Variants in KCNK2 observed in about 807,000 individuals in gnomAD.
KCNK2 encodes the protein potassium two pore domain channel subfamily K member 2, also known as potassium channel subfamily K member 2.
KCNK2 carries 21 observed loss-of-function variants against 40.5 expected under a neutral mutation model. The ratio of observed to expected loss-of-function variants is 0.52; its 90% CI spans 0.37 to 0.75. The LOEUF is 0.75. KCNK2 is among the 30% of genes least tolerant of loss of function. KCNK2 has a pLI of 0.00. For synonymous variants in KCNK2, 191 were observed against 202.2 expected, an observed-to-expected ratio of 0.94 and a Z score of 0.47; for missense variants, 399 against 531.6, an observed-to-expected ratio of 0.75 and a Z score of 2.45.
intron 6 of KCNK2, among the ~76,000 whole-genome samples, chr1:215,198,580 A>T (rs941041070): frequency 2.0e-5 from 3 of 152,204 alleles, no homozygotes; most frequent in African/African-American, 7.2e-5. Context: ...AGCCAACTAA[A>T]TATATTCTAG....
intron 5 of KCNK2, among the ~76,000 whole-genome samples, chr1:215,180,472 G>A (rs1184230113): frequency 6.6e-6 from 1 of 152,144 alleles, no homozygotes; most frequent in Non-Finnish European, 1.5e-5. Flanking sequence ...ATATACTTAA[G>A]TGTGTTTTTG....
At chr1:215,179,771 T>C (rs983015603) in intron 5 of KCNK2, among the ~76,000 whole-genome samples, 1 of 152,132 alleles carries the variant, frequency 6.6e-6, no homozygotes, top group African/African-American at 2.4e-5. Flanking sequence ...AGATTTGCTT[T>C]ATGGCTGAGC....
At chr1:215,209,289 A>C (rs1205859242) in intron 6 of KCNK2, among the ~76,000 whole-genome samples, 1 of 100,358 alleles carries the variant, frequency 1.0e-5, no homozygotes, top group Non-Finnish European at 1.8e-5. Context: ...CACATATTTT[A>C]TATATAATAT....
chr1:215,027,879 A>G lies in KCNK2; in HGVS notation c.34+21924A>G, dbSNP rs1313674682. ...GCCAACAAAAGTTTCTTTAGTTTAC[A>G]TTGATAACTTTGAATTTCACTAAAT... On this transcript the variant is annotated intron_variant, in intron 1 of 6. Transcript: ENST00000391895. 3.3e-5 allele frequency among the ~76,000 whole-genome samples: 5 copies of G among 152,312 alleles called. No homozygotes were observed. The East Asian group carries it at 9.6e-4, about 29-fold the overall frequency.
chr1:215,219,361 T>C (rs1666081327), intron 6 of KCNK2, among the ~76,000 whole-genome samples: 1 of 152,266 alleles, frequency 6.6e-6, no homozygotes, highest in African/African-American at 2.4e-5. Context: ...GATTTTAGTT[T>C]AAATAATACA....
At chr1:215,106,543 G>GTAC (rs1660446304) in intron 2 of KCNK2, among the ~76,000 whole-genome samples, 1 of 151,970 alleles carries the variant, frequency 6.6e-6, no homozygotes, top group Non-Finnish European at 1.5e-5. Context: ...GGTTGTCTGT[G>GTAC]TACTCTGTTG....
chr1:215,056,456 G>A (rs1174233596), intron 1 of KCNK2, among the ~76,000 whole-genome samples: 2 of 116,692 alleles, frequency 1.7e-5, no homozygotes, highest in African/African-American at 6.4e-5. Context: ...AGGGAGCCAA[G>A]ATTGTACCAC....
chr1:215,039,975 G>T (rs1007873898), intron 1 of KCNK2, among the ~76,000 whole-genome samples: 2 of 152,148 alleles, frequency 1.3e-5, no homozygotes, highest in Non-Finnish European at 2.9e-5. Flanking sequence ...CCACTTTGCA[G>T]AACATTATGG....
chr1:215,184,413 A>G (rs1664345163), intron 5 of KCNK2, among the ~76,000 whole-genome samples: 1 of 152,142 alleles, frequency 6.6e-6, no homozygotes, highest in Non-Finnish European at 1.5e-5. Flanking sequence ...ATTATGTGAC[A>G]CGTTTTATAT....
chr1:215,075,738 G>A (rs904390502), intron 1 of KCNK2, among the ~76,000 whole-genome samples: 1 of 152,156 alleles, frequency 6.6e-6, no homozygotes, highest in African/African-American at 2.4e-5. Flanking sequence ...CAGCCATGTT[G>A]GTAGAGGACC....
rs2102580988 is a variant in KCNK2 at position 215,124,620 on chromosome 1, T to G, written c.358-13T>G. On this transcript the variant is annotated splice_polypyrimidine_tract_variant and intron_variant, in intron 2 of 6. Coordinates refer to ENST00000444842, the MANE Select transcript of KCNK2 (RefSeq NM_001017425.3). ...ATTCATGTGTACTGATAAATTTCTT[T>G]TTAAACTTGCAGCAAATAGTGGCAG... is the stretch of plus-strand genomic sequence containing the variant. 1 of 1,528,718 alleles carries G rather than the reference T, an allele frequency of 6.5e-7. No individual in the cohort carries two copies. The highest frequency in any genetic ancestry group is 2.3e-5 in the East Asian group (1 of 44,420). 94.7% of individuals were successfully genotyped at this position (1,528,718 alleles called of 1,614,324 possible).
intron 3 of KCNK2, among the ~76,000 whole-genome samples, chr1:215,138,310 G>A (rs1181838729): frequency 6.6e-6 from 1 of 152,072 alleles, no homozygotes; most frequent in African/African-American, 2.4e-5. Context: ...GATACAAAAT[G>A]TTACATTTAA....
chr1:215,130,933 T>C (rs1030563655), intron 3 of KCNK2, among the ~76,000 whole-genome samples: 11 of 151,998 alleles, frequency 7.2e-5, no homozygotes, highest in African/African-American at 2.7e-4. Flanking sequence ...CAATCTCGGC[T>C]CACTGCAAGC....
chr1:215,097,468 T>TG (rs1005163475), intron 2 of KCNK2, among the ~76,000 whole-genome samples: 1 of 149,320 alleles, frequency 6.7e-6, no homozygotes, highest in African/African-American at 2.4e-5. Flanking sequence ...TTATTGGCTA[T>TG]GGCTTCCTTT....
rs575692126 is a variant in KCNK2 at position 215,203,757 on chromosome 1, T to C, written c.963+8665T>C. Among the ~76,000 whole-genome samples, 21 of 152,098 alleles carry C rather than the reference T, an allele frequency of 1.4e-4. No individual in the cohort carries two copies. In the East Asian group the frequency reaches 3.9e-3, roughly 28 times the overall value. The stretch of plus-strand genomic sequence containing the variant: ...ATGAATATAGAAATTTCAAATATGT[T>C]GGATATTCTATGGACTTTTTAAAGA... On this transcript the variant is annotated intron_variant, in intron 6 of 6. Transcript: ENST00000444842.
chr1:215,190,265 C>G (rs1664615188), intron 5 of KCNK2, among the ~76,000 whole-genome samples: 1 of 152,058 alleles, frequency 6.6e-6, no homozygotes, highest in South Asian at 2.1e-4. Flanking sequence ...TAAGGAGGCT[C>G]TTGGTGGAAT....
chr1:215,098,238 C>T (rs1213617004), intron 2 of KCNK2, among the ~76,000 whole-genome samples: 1 of 151,798 alleles, frequency 6.6e-6, no homozygotes, highest in East Asian at 1.9e-4. Flanking sequence ...CATAATTTAC[C>T]ATGGGTGGCT....
chr1:215,086,702 A>G (rs770472132), intron 2 of KCNK2, 24 bp downstream of exon 2: 42 of 1,593,680 alleles, frequency 2.6e-5, no homozygotes, highest in Non-Finnish European at 3.6e-5. Context: ...AGGAGTTGTT[A>G]CTCTGTTCCC....
intron 1 of KCNK2, among the ~76,000 whole-genome samples, chr1:215,045,713 C>G (rs1464092345): frequency 6.6e-6 from 1 of 151,904 alleles, no homozygotes; most frequent in African/African-American, 2.4e-5. Flanking sequence ...AAATAATGCC[C>G]CTTAATAGTT....
Sources: gnomAD v4.1 joint callset for allele counts (sites outside exome capture counted in the v4.1 genomes callset) on GRCh38, gnomAD v4.1.1 for gene constraint, MANE v1.5 for transcripts, NCBI Gene and HGNC (gene_info 2026-07-23, HGNC 2026-07-21) for gene names.